Variants in LRFN2 observed in about 807,000 individuals in gnomAD.
LRFN2 encodes leucine-rich repeat and fibronectin type-III domain-containing protein 2.
In LRFN2, 18 loss-of-function variants were observed where a neutral mutation model predicts 37.3. The observed-to-expected ratio is 0.48, with a 90% CI of 0.33 to 0.72. The LOEUF (loss-of-function observed/expected upper bound fraction) is 0.72. Ranked by LOEUF, LRFN2 falls within the 30% of genes least tolerant of loss-of-function variation. The pLI is 0.02. For missense variants in LRFN2, 1,006 were observed against 1,060.7 expected (o/e 0.95, Z 0.72); for synonymous variants, 556 against 466.6 (o/e 1.19, Z -2.47).
chr6:40,488,424 T>G, intron 1 of LRFN2, among the ~76,000 whole-genome samples: 1 of 151,428 alleles, frequency 6.6e-6, no homozygotes, highest in Non-Finnish European at 1.5e-5. Flanking sequence ...TGAGAAGTGA[T>G]CCTGTCCTCT....
chr6:40,473,366 T>C (rs73732674), intron 1 of LRFN2, among the ~76,000 whole-genome samples: 11,144 of 152,166 alleles, frequency 0.073, 615 homozygotes, highest in African/African-American at 0.15. Flanking sequence ...CAAGAAAACC[T>C]AGGTTTAAAC....
At chr6:40,523,453 CTT>C (rs940852688) in intron 1 of LRFN2, among the ~76,000 whole-genome samples, 5 of 148,828 alleles carry the variant, frequency 3.4e-5, no homozygotes, top group African/African-American at 1.2e-4. Context: ...AGCCAACTCT[CTT>C]TTGTTTGGTT....
At position 40,391,778 on chromosome 6, in the gene LRFN2, T is replaced by G. The variant is rs1581669070; in HGVS notation, c.*165A>C. On this transcript the variant is annotated 3_prime_UTR_variant, in exon 3 of 3. Coordinates refer to ENST00000338305, the MANE Select transcript of LRFN2 (RefSeq NM_020737.3). ...ACACCCCGGCCGGGTGGTGGGGAGGTGATGTGGGTGTTGCGGGGTAGGGGG... is the reference window on the plus strand; with the variant it reads ...ACACCCCGGCCGGGTGGTGGGGAGGGGATGTGGGTGTTGCGGGGTAGGGGG... The G allele has an allele frequency of 3.5e-6, 2 of 573,110 alleles. No individual in the cohort carries two copies. Among genetic ancestry groups the G allele is most frequent in the Non-Finnish European group, 5.5e-6 (2 of 364,002 alleles). 35.5% of individuals were successfully genotyped at this position (573,110 alleles called of 1,614,324 possible).
chr6:40,533,940 C>T (rs1041494404), intron 1 of LRFN2, among the ~76,000 whole-genome samples: 1 of 152,220 alleles, frequency 6.6e-6, no homozygotes, highest in African/African-American at 2.4e-5. Flanking sequence ...ATTCACCGGA[C>T]ACTCGGAATT....
At chr6:40,577,108 C>CTTCTCTTCTCTTCTCTTCTCTTCT (rs1554145947) in intron 1 of LRFN2, among the ~76,000 whole-genome samples, 11 of 104,676 alleles carry the variant, frequency 1.1e-4, no homozygotes, top group African/African-American at 4.0e-4. Context: ...CTTTTCCTTT[C>CTTCTCTTCTCTTCTCTTCTCTTCT]TTTTCTTTTT....
chr6:40,469,470 G>A (rs1353110947), intron 1 of LRFN2, among the ~76,000 whole-genome samples: 1 of 152,204 alleles, frequency 6.6e-6, no homozygotes, highest in Non-Finnish European at 1.5e-5. Context: ...GCCACGAGCA[G>A]GGCTCAGGGT....
At chr6:40,457,449 C>G (rs1764257454) in intron 1 of LRFN2, among the ~76,000 whole-genome samples, 2 of 151,566 alleles carry the variant, frequency 1.3e-5, no homozygotes, top group Admixed American at 6.6e-5. Context: ...TGGAGCTTGC[C>G]TTATTGTCAG....
chr6:40,438,112 T>C (rs1336928650), intron 1 of LRFN2, among the ~76,000 whole-genome samples: 1 of 152,152 alleles, frequency 6.6e-6, no homozygotes, highest in Admixed American at 6.5e-5. Flanking sequence ...CGAGAGCTTG[T>C]CTGCCCAGAA....
chr6:40,434,158 CAAG>C (rs1359691192), intron 1 of LRFN2, among the ~76,000 whole-genome samples: 1 of 152,212 alleles, frequency 6.6e-6, no homozygotes, highest in Non-Finnish European at 1.5e-5. Context: ...CGTAAAGCCC[CAAG>C]AAGAAGGGAC....
At chr6:40,418,519 C>A (rs1763146502) in intron 2 of LRFN2, among the ~76,000 whole-genome samples, 2 of 152,228 alleles carry the variant, frequency 1.3e-5, no homozygotes, top group South Asian at 2.1e-4. Context: ...CTTGACCAGA[C>A]AATAAATATT....
At chr6:40,397,794 T>A (rs909049128) in intron 2 of LRFN2, among the ~76,000 whole-genome samples, 1 of 147,118 alleles carries the variant, frequency 6.8e-6, no homozygotes, top group African/African-American at 2.4e-5. Flanking sequence ...AGAGCCGAGG[T>A]GTTACGTCTG....
intron 2 of LRFN2, among the ~76,000 whole-genome samples, chr6:40,425,278 G>C (rs1763325788): frequency 6.6e-6 from 1 of 152,206 alleles, no homozygotes; most frequent in African/African-American, 2.4e-5. Flanking sequence ...GATGGGGGCA[G>C]CATAACAAGC....
chr6:40,470,373 A>T (rs1015700724), intron 1 of LRFN2, among the ~76,000 whole-genome samples: 1 of 152,222 alleles, frequency 6.6e-6, no homozygotes, highest in African/African-American at 2.4e-5. Context: ...GCACTTTGGG[A>T]GGCCAAAGCG....
chr6:40,451,064 A>C (rs1029566630), intron 1 of LRFN2, among the ~76,000 whole-genome samples: 3 of 152,340 alleles, frequency 2.0e-5, no homozygotes, highest in African/African-American at 2.4e-5. Flanking sequence ...ACTAAAGAGA[A>C]GTGCACTAAG....
chr6:40,414,798 G>A (rs771183070), intron 2 of LRFN2, among the ~76,000 whole-genome samples: 1 of 152,220 alleles, frequency 6.6e-6, no homozygotes, highest in East Asian at 1.9e-4. Flanking sequence ...AACCCCACGT[G>A]ACCACAAAGC....
intron 1 of LRFN2, among the ~76,000 whole-genome samples, chr6:40,578,768 A>T (rs1348486483): frequency 6.6e-6 from 1 of 152,188 alleles, no homozygotes; most frequent in East Asian, 1.9e-4. Flanking sequence ...TTTTCCTAAC[A>T]ACCCTGTGAG....
At chr6:40,474,675 A>C (rs952159996) in intron 1 of LRFN2, among the ~76,000 whole-genome samples, 3 of 152,024 alleles carry the variant, frequency 2.0e-5, no homozygotes, top group African/African-American at 4.8e-5. Context: ...TTTTTAGTAG[A>C]GATGGGGTTT....
chr6:40,471,446 A>T (rs775000498), intron 1 of LRFN2, among the ~76,000 whole-genome samples: 2 of 152,148 alleles, frequency 1.3e-5, no homozygotes, highest in Non-Finnish European at 2.9e-5. Flanking sequence ...CCGACTGCTG[A>T]AATCTCTCCC....
chr6:40,437,093 C>T (rs549549797), intron 1 of LRFN2, among the ~76,000 whole-genome samples: 1 of 152,210 alleles, frequency 6.6e-6, no homozygotes, highest in African/African-American at 2.4e-5. Flanking sequence ...CATCAGTGTT[C>T]TAAGGCTAAA....
Sources: gnomAD v4.1 joint callset for allele counts (sites outside exome capture counted in the v4.1 genomes callset) on GRCh38, gnomAD v4.1.1 for gene constraint, MANE v1.5 for transcripts, NCBI Gene and HGNC (gene_info 2026-07-23, HGNC 2026-07-21) for gene names.